Variants in CSMD1 observed in about 807,000 individuals in gnomAD.
CSMD1 encodes CUB and sushi domain-containing protein 1.
Under a neutral mutation model 417.5 loss-of-function variants are expected in CSMD1, and 213 were observed. The ratio of observed to expected loss-of-function variants is 0.51; its 90% CI spans 0.46 to 0.57. The LOEUF is 0.57. CSMD1 is among the 20% of genes least tolerant of loss of function. The probability of loss-of-function intolerance (pLI) is 0.00; values close to 1 mark genes in which losing one functional copy is unlikely to be tolerated. For missense variants in CSMD1, 6,923 were observed against 4,529.7 expected (o/e 1.53, Z -15.17); for synonymous variants, 2,862 against 1,736.8 (o/e 1.65, Z -16.11).
At chr8:4,139,285 C>G (rs145567921) in intron 3 of CSMD1, among the ~76,000 whole-genome samples, 1 of 152,282 alleles carries the variant, frequency 6.6e-6, no homozygotes, top group East Asian at 1.9e-4. Context: ...ATAATTGGCA[C>G]CCTGTGTCTT....
chr8:3,643,996 C>T (rs1489115385), intron 7 of CSMD1, among the ~76,000 whole-genome samples: 2 of 152,146 alleles, frequency 1.3e-5, no homozygotes, highest in South Asian at 2.1e-4. Flanking sequence ...GTGAATTCAT[C>T]GCTGTTGTTT....
chr8:4,833,468 A>T (rs748169732), intron 1 of CSMD1, among the ~76,000 whole-genome samples: 1 of 152,214 alleles, frequency 6.6e-6, no homozygotes, highest in Non-Finnish European at 1.5e-5. Flanking sequence ...CTACCTCAGC[A>T]TTGGGGATTA....
intron 10 of CSMD1, among the ~76,000 whole-genome samples, chr8:3,515,752 T>C (rs150473977): frequency 1.2e-4 from 19 of 152,322 alleles, no homozygotes; most frequent in African/African-American, 3.4e-4. Flanking sequence ...GCCTTCCCCA[T>C]TGACTTCATT....
chr8:4,283,794 A>G (rs965474577), intron 3 of CSMD1, among the ~76,000 whole-genome samples: 2 of 152,236 alleles, frequency 1.3e-5, no homozygotes, highest in Non-Finnish European at 2.9e-5. Flanking sequence ...AATAAAAAAA[A>G]AAATCCGCTT....
At chr8:4,673,120 T>C (rs766952097) in intron 1 of CSMD1, among the ~76,000 whole-genome samples, 4 of 151,570 alleles carry the variant, frequency 2.6e-5, no homozygotes, top group Non-Finnish European at 5.9e-5. Flanking sequence ...CACACACACA[T>C]CTGTAGCAAA....
chr8:3,607,120 C>A (rs949215135), intron 8 of CSMD1, among the ~76,000 whole-genome samples: 1 of 152,158 alleles, frequency 6.6e-6, no homozygotes, highest in African/African-American at 2.4e-5. Flanking sequence ...TTTTATTTCA[C>A]AAGCTTTTTT....
At chr8:4,532,406 C>A (rs113278422) in intron 2 of CSMD1, among the ~76,000 whole-genome samples, 2,548 of 149,520 alleles carry the variant, frequency 0.017, 66 homozygotes, top group African/African-American at 0.06. Flanking sequence ...CCCATTCAGT[C>A]ACTCCGGAAA....
chr8:3,877,944 C>G (rs3102413), intron 5 of CSMD1, among the ~76,000 whole-genome samples: 1 of 151,516 alleles, frequency 6.6e-6, no homozygotes, highest in Non-Finnish European at 1.5e-5. Flanking sequence ...AAAGCTTTGT[C>G]TACATCAAGG....
At chr8:4,208,318 A>G (rs925862622) in intron 3 of CSMD1, among the ~76,000 whole-genome samples, 1 of 152,214 alleles carries the variant, frequency 6.6e-6, no homozygotes, top group Non-Finnish European at 1.5e-5. Context: ...GAGAAGAAAT[A>G]AAAGCAAATC....
At chr8:3,330,240 A>T (rs1296123163) in intron 23 of CSMD1, among the ~76,000 whole-genome samples, 1 of 152,242 alleles carries the variant, frequency 6.6e-6, no homozygotes, top group African/African-American at 2.4e-5. Context: ...GGTTAAAAAC[A>T]ACTTGCCTAT....
At chr8:2,999,683 C>T (rs900321958) in intron 53 of CSMD1, among the ~76,000 whole-genome samples, 26 of 152,172 alleles carry the variant, frequency 1.7e-4, no homozygotes, top group South Asian at 6.2e-4. Context: ...ATCCATGACA[C>T]CACTTGGCCA....
chr8:3,978,855 C>A (rs1466050952), intron 5 of CSMD1, among the ~76,000 whole-genome samples: 2 of 152,136 alleles, frequency 1.3e-5, no homozygotes, highest in Non-Finnish European at 2.9e-5. Flanking sequence ...CTTCCCAGCG[C>A]TCCCATTAGG....
At chr8:4,604,326 T>C (rs1800751668) in intron 2 of CSMD1, among the ~76,000 whole-genome samples, 1 of 151,150 alleles carries the variant, frequency 6.6e-6, no homozygotes, top group Non-Finnish European at 1.5e-5. Flanking sequence ...TAAATGGTTA[T>C]ATATACAATA....
rs59275115 is a variant in CSMD1 at position 4,421,822 on chromosome 8, A to C, written c.303-1757T>G. Among the ~76,000 whole-genome samples the C allele has an allele frequency of 2.1e-3, 325 of 152,112 alleles. 4 individuals are homozygous for C. The highest frequency in any genetic ancestry group is 7.7e-3 in the African/African-American group (318 of 41,560). On this transcript the variant is annotated intron_variant, in intron 2 of 69. Coordinates refer to ENST00000635120, the MANE Select transcript of CSMD1 (RefSeq NM_033225.6). ...AAGCAAACAGAAAGCAAAAAACAAG[A>C]AAAGTACAGAAATCAATAAAATTGA...
intron 5 of CSMD1, among the ~76,000 whole-genome samples, chr8:3,839,025 T>C (rs1360803189): frequency 7.8e-6 from 1 of 128,220 alleles, no homozygotes; most frequent in Non-Finnish European, 1.6e-5. Flanking sequence ...TATGTTGATA[T>C]TATATATATT....
intron 2 of CSMD1, among the ~76,000 whole-genome samples, chr8:4,559,960 C>T (rs754166030): frequency 2.0e-5 from 3 of 152,208 alleles, no homozygotes; most frequent in Admixed American, 6.5e-5. Context: ...TGTAATCACA[C>T]GCTGTGGTCA....
intron 1 of CSMD1, among the ~76,000 whole-genome samples, chr8:4,871,465 C>G (rs555673741): frequency 2.6e-5 from 4 of 152,004 alleles, no homozygotes; most frequent in South Asian, 2.1e-4. Context: ...AAGAAAGATG[C>G]GTGTGAATAT....
chr8:3,268,076 C>T (rs922965854), intron 26 of CSMD1, among the ~76,000 whole-genome samples: 1 of 151,998 alleles, frequency 6.6e-6, no homozygotes, highest in Non-Finnish European at 1.5e-5. Flanking sequence ...GCATTGATCT[C>T]CAATGCCCAT....
chr8:3,729,108 G>A (rs866313034), intron 6 of CSMD1, among the ~76,000 whole-genome samples: 9 of 152,268 alleles, frequency 5.9e-5, no homozygotes, highest in Non-Finnish European at 7.4e-5. Flanking sequence ...TAAAGGTTTC[G>A]AGCTAAAGTA....
Sources: allele counts gnomAD v4.1 joint callset (sites outside exome capture counted in the v4.1 genomes callset), GRCh38; gene constraint gnomAD v4.1.1; transcripts MANE v1.5; gene names NCBI Gene and HGNC (gene_info 2026-07-23, HGNC 2026-07-21).